The following MKRN1 variants were observed in gnomAD, a reference collection of about 807,000 sequenced individuals.
MKRN1 encodes the protein makorin ring finger protein 1.
A neutral mutation model predicts 55.5 loss-of-function variants in MKRN1; 9 were observed. The observed-to-expected ratio is 0.16, with a 90% CI of 0.10 to 0.28. MKRN1 has a LOEUF of 0.28. Among genes scored for constraint, MKRN1 ranks in the 10% least tolerant of loss-of-function variants. MKRN1 has a pLI of 1.00. For synonymous variants in MKRN1, 253 were observed against 235.9 expected (o/e 1.07, Z -0.66); for missense variants, 488 against 626.7 (o/e 0.78, Z 2.36).
At chr7:140,455,725 T>A in intron 6 of MKRN1, 65 bp downstream of exon 6, 3 of 1,317,736 alleles carry the variant, frequency 2.3e-6, no homozygotes, top group Non-Finnish European at 3.3e-6. Flanking sequence ...GCAGCACCAT[T>A]CTTTTCAAAG....
intron 3 of MKRN1, 62 bp from the exon 4 acceptor site, chr7:140,459,295 T>C: frequency 6.5e-7 from 1 of 1,529,376 alleles, no homozygotes; most frequent in African/African-American, 1.4e-5. Context: ...ATAAGAGAAC[T>C]GAGAATCTAA....
chr7:140,471,652 T>C (rs1466378740), intron 2 of MKRN1, among the ~76,000 whole-genome samples: 3 of 152,140 alleles, frequency 2.0e-5, no homozygotes, highest in Non-Finnish European at 4.4e-5. Context: ...CTATATTTTG[T>C]AGACATGAGG....
At chr7:140,475,728 CACTTGTTTTTTTGTGTATTATTTCAACT>C (rs1399712454) in intron 1 of MKRN1, among the ~76,000 whole-genome samples, 5 of 152,038 alleles carry the variant, frequency 3.3e-5, no homozygotes, top group African/African-American at 1.2e-4. Context: ...AAAAATTAAA[CACTTGTTTTTTTGTGTATTATTTCAACT>C]ACCAGAACAC....
At chr7:140,474,499 A>AAAAT (rs759012247) in intron 1 of MKRN1, 1 of 313,484 alleles carries the variant, frequency 3.2e-6, no homozygotes, top group Non-Finnish European at 6.5e-6. Context: ...TCTCAAAAAA[A>AAAAT]AAATAAATAA....
At chr7:140,475,993 C>T (rs1479779985) in intron 1 of MKRN1, among the ~76,000 whole-genome samples, 2 of 152,042 alleles carry the variant, frequency 1.3e-5, no homozygotes, top group African/African-American at 4.8e-5. Context: ...ACAATGAAAA[C>T]CCCAGGAGAA....
In MKRN1 at chr7:140,455,780, G is replaced by A. The variant is rs778939101; in HGVS notation, c.1097+10C>T. 6 of 1,597,864 alleles carry A rather than the reference G, an allele frequency of 3.8e-6. No homozygotes were observed. In the East Asian group the frequency reaches 6.7e-5, roughly 18 times the overall value. On this transcript the variant is annotated intron_variant, in intron 6 of 7. Transcript: ENST00000255977. ...GCTCTTCGCTTGAGAAAAGGCTGCA[G>A]TGCTCATACCTCATTGCCTCCTTGT...
At chr7:140,458,984 C>A in intron 4 of MKRN1, 23 bp downstream of exon 4, 1 of 1,608,920 alleles carries the variant, frequency 6.2e-7, no homozygotes. Flanking sequence ...TCTAATAACA[C>A]ACACATCTCC....
intron 1 of MKRN1, among the ~76,000 whole-genome samples, chr7:140,476,379 GGA>G (rs1218266172): frequency 6.7e-6 from 1 of 149,886 alleles, no homozygotes; most frequent in Non-Finnish European, 1.5e-5. Flanking sequence ...GGCTGAGGCA[GGA>G]GAATCGCTTG....
chr7:140,462,073 G>A (rs1485472793), intron 2 of MKRN1, among the ~76,000 whole-genome samples: 1 of 152,180 alleles, frequency 6.6e-6, no homozygotes, highest in Admixed American at 6.6e-5. Context: ...TATCTCCTAG[G>A]CTGGAGTGCA....
intron 1 of MKRN1, among the ~76,000 whole-genome samples, chr7:140,472,843 C>A (rs982622657): frequency 6.6e-6 from 1 of 151,516 alleles, no homozygotes; most frequent in African/African-American, 2.4e-5. Flanking sequence ...AAGGGCCAGG[C>A]GTGGTGGCCC....
In MKRN1 at chr7:140,467,659, C is replaced by G. The variant is rs573053579; in HGVS notation, c.314+4224G>C. Among the ~76,000 whole-genome samples, 5 of 152,238 alleles carry G rather than the reference C, an allele frequency of 3.3e-5. No individual in the cohort carries two copies. In the East Asian group the frequency reaches 7.7e-4, roughly 24 times the overall value. On this transcript the variant is annotated intron_variant, in intron 2 of 7. Transcript: ENST00000255977. ...GGGAACCTACCTAATTTCCTCTGGT[C>G]TCAAACTATTTGGGGCGGGCAAAGT...
chr7:140,457,041 TTTG>T (rs1443256707), intron 4 of MKRN1, 175 bp from the exon 5 acceptor site: 241 of 601,164 alleles, frequency 4.0e-4, no homozygotes, highest in South Asian at 1.0e-3. Flanking sequence ...GTGTTTTTTT[TTTG>T]TTTGTTTGTT....
chr7:140,467,800 C>A (rs187750299), intron 2 of MKRN1, among the ~76,000 whole-genome samples: 1,600 of 151,564 alleles, frequency 0.011, 29 homozygotes, highest in African/African-American at 0.035. Flanking sequence ...GCCAGGAGTT[C>A]AAGACCAGCC....
intron 2 of MKRN1, among the ~76,000 whole-genome samples, chr7:140,467,652 C>T (rs1460783249): frequency 6.6e-6 from 1 of 152,122 alleles, no homozygotes; most frequent in African/African-American, 2.4e-5. Flanking sequence ...ACCTAATTTC[C>T]TCTGGTCTCA....
intron 2 of MKRN1, among the ~76,000 whole-genome samples, chr7:140,465,991 G>T (rs1794754181): frequency 6.6e-6 from 1 of 152,058 alleles, no homozygotes. Flanking sequence ...TGAGGCACCG[G>T]AATCGCTTGA....
At chr7:140,464,165 T>C (rs1794706287) in intron 2 of MKRN1, among the ~76,000 whole-genome samples, 1 of 151,944 alleles carries the variant, frequency 6.6e-6, no homozygotes, top group African/African-American at 2.4e-5. Flanking sequence ...AGCAATTCAC[T>C]GGCCTCAGCC....
At chr7:140,475,723 T>C (rs1020033859) in intron 1 of MKRN1, among the ~76,000 whole-genome samples, 1 of 152,118 alleles carries the variant, frequency 6.6e-6, no homozygotes, top group Non-Finnish European at 1.5e-5. Context: ...AAATTAAAAA[T>C]TAAACACTTG....
Position 140,475,733 on chromosome 7 carries a change from G to GT in MKRN1, c.185+3426dup, listed in dbSNP as rs971255577. On this transcript the variant is annotated intron_variant, in intron 1 of 7. Transcript: ENST00000255977. ...TTGAAAAATTAAAAATTAAACACTT[G>GT]TTTTTTTGTGTATTATTTCAACTAC... Among the ~76,000 whole-genome samples, 12 of 152,110 alleles carry GT rather than the reference G, an allele frequency of 7.9e-5. No homozygotes were observed. The South Asian group carries it at 1.7e-3, about 21-fold the overall frequency.
intron 2 of MKRN1, among the ~76,000 whole-genome samples, chr7:140,468,633 G>C (rs894569042): frequency 6.9e-6 from 1 of 144,006 alleles, no homozygotes. Flanking sequence ...CCAGGGAGTC[G>C]GAGGTTGCAG....
Sources: gnomAD v4.1 joint callset for allele counts (sites outside exome capture counted in the v4.1 genomes callset) on GRCh38, gnomAD v4.1.1 for gene constraint, MANE v1.5 for transcripts, NCBI Gene and HGNC (gene_info 2026-07-23, HGNC 2026-07-21) for gene names.